Variants in SAMD12 observed in about 807,000 individuals in gnomAD.
The protein encoded by SAMD12 is sterile alpha motif domain containing 12, also known as sterile alpha motif domain-containing protein 12.
In SAMD12, 9 loss-of-function variants were observed where a neutral mutation model predicts 15.0. That is an observed-to-expected ratio of 0.60 (90% CI 0.36 to 1.05). SAMD12 has a LOEUF of 1.05. Among genes scored for constraint, SAMD12 ranks in the 50% least tolerant of loss-of-function variants. SAMD12 has a pLI of 0.01. For synonymous variants in SAMD12, 86 were observed against 90.1 expected, an observed-to-expected ratio of 0.96 and a Z score of 0.25; for missense variants, 230 against 234.2, an observed-to-expected ratio of 0.98 and a Z score of 0.12.
At chr8:118,524,737 T>C (rs1425841973) in intron 2 of SAMD12, among the ~76,000 whole-genome samples, 2 of 152,172 alleles carry the variant, frequency 1.3e-5, no homozygotes, top group Admixed American at 6.6e-5. Flanking sequence ...GACCTTCCAA[T>C]TGCTCAGGCC....
the SAMD12 span, among the ~76,000 whole-genome samples, chr8:118,174,921 T>C: frequency 6.6e-6 from 1 of 151,698 alleles, no homozygotes; most frequent in African/African-American, 2.4e-5. Context: ...ATAAATATCA[T>C]GGAATTTTAT....
At chr8:118,213,010 A>G (rs1056190765) in intron 4 of SAMD12, among the ~76,000 whole-genome samples, 1 of 152,220 alleles carries the variant, frequency 6.6e-6, no homozygotes, top group Admixed American at 6.5e-5. Flanking sequence ...GAATGAGAAT[A>G]CGATGAAGCA....
At chr8:118,502,672 G>A (rs754029054) in intron 2 of SAMD12, among the ~76,000 whole-genome samples, 1 of 152,160 alleles carries the variant, frequency 6.6e-6, no homozygotes, top group Non-Finnish European at 1.5e-5. Context: ...AACATCTGTT[G>A]AACTCCTCAG....
At chr8:118,532,251 G>A (rs1190449854) in intron 2 of SAMD12, among the ~76,000 whole-genome samples, 1 of 152,154 alleles carries the variant, frequency 6.6e-6, no homozygotes, top group East Asian at 1.9e-4. Context: ...ATTGATTTGT[G>A]TATGTTGAAT....
intron 4 of SAMD12, among the ~76,000 whole-genome samples, chr8:118,296,497 T>C (rs1814721557): frequency 6.6e-6 from 1 of 152,242 alleles, no homozygotes; most frequent in Non-Finnish European, 1.5e-5. Flanking sequence ...ATTTGATTAA[T>C]ATCTTTTTCT....
intron 2 of SAMD12, among the ~76,000 whole-genome samples, chr8:118,442,807 C>A (rs1350682343): frequency 6.6e-6 from 1 of 152,162 alleles, no homozygotes; most frequent in South Asian, 2.1e-4. Context: ...CTCCTGTAAA[C>A]CAGTCACAGA....
chr8:118,338,761 C>T (rs550986710), intron 4 of SAMD12, among the ~76,000 whole-genome samples: 35 of 152,282 alleles, frequency 2.3e-4, no homozygotes, highest in Middle Eastern at 3.4e-3. Flanking sequence ...GAACACAGCC[C>T]TGTTGCTTGG....
At chr8:118,506,524 C>T (rs1443416516) in intron 2 of SAMD12, among the ~76,000 whole-genome samples, 1 of 151,956 alleles carries the variant, frequency 6.6e-6, no homozygotes, top group Non-Finnish European at 1.5e-5. Context: ...CCTACTATGT[C>T]AACAGTGTTT....
At chr8:118,260,710 T>TAAA (rs1563719900) in intron 4 of SAMD12, among the ~76,000 whole-genome samples, 1 of 152,112 alleles carries the variant, frequency 6.6e-6, no homozygotes, top group Non-Finnish European at 1.5e-5. Context: ...CTATCCTCTT[T>TAAA]AGCCACCTCC....
chr8:118,593,996 G>C (rs1236178665), intron 1 of SAMD12, among the ~76,000 whole-genome samples: 2 of 152,140 alleles, frequency 1.3e-5, no homozygotes, highest in Non-Finnish European at 2.9e-5. Context: ...ACAACTGTCA[G>C]ATCTTTGAAT....
intron 4 of SAMD12, among the ~76,000 whole-genome samples, chr8:118,216,251 T>C (rs1283229077): frequency 7.2e-5 from 11 of 151,948 alleles, no homozygotes; most frequent in South Asian, 2.1e-4. Context: ...TTTTTGGCTG[T>C]ATAAATGTCT....
chr8:118,431,088 C>A (rs138411504), intron 3 of SAMD12, among the ~76,000 whole-genome samples: 2 of 152,066 alleles, frequency 1.3e-5, no homozygotes, highest in Admixed American at 6.5e-5. Flanking sequence ...TAACAATATA[C>A]GTTTTTAAGT....
At chr8:118,180,463 T>C in the SAMD12 span, among the ~76,000 whole-genome samples, 1 of 152,214 alleles carries the variant, frequency 6.6e-6, no homozygotes, top group Non-Finnish European at 1.5e-5. Flanking sequence ...ATTTCCTAAC[T>C]ATCTTGCAGT....
chr8:118,525,152 C>A (rs1367002404), intron 2 of SAMD12, among the ~76,000 whole-genome samples: 1 of 152,182 alleles, frequency 6.6e-6, no homozygotes, highest in African/African-American at 2.4e-5. Flanking sequence ...CTCGCTGTTT[C>A]TACAGCACAT....
chr8:118,461,879 T>G (rs1372063368), intron 2 of SAMD12, among the ~76,000 whole-genome samples: 1 of 152,228 alleles, frequency 6.6e-6, no homozygotes, highest in East Asian at 1.9e-4. Context: ...AGTGTTTTTC[T>G]AAAAGTTTAT....
chr8:118,224,617 A>T (rs945281770), intron 4 of SAMD12, among the ~76,000 whole-genome samples: 2 of 152,206 alleles, frequency 1.3e-5, no homozygotes, highest in Non-Finnish European at 2.9e-5. Flanking sequence ...ACAAAAATGA[A>T]AAAAAGAAAA....
intron 4 of SAMD12, among the ~76,000 whole-genome samples, chr8:118,360,790 C>A (rs561417961): frequency 2.6e-5 from 4 of 152,296 alleles, no homozygotes; most frequent in African/African-American, 9.6e-5. Flanking sequence ...GTAAGAATTT[C>A]TTTAATTGCA....
At chr8:118,252,082 A>G (rs560835081) in intron 4 of SAMD12, among the ~76,000 whole-genome samples, 2 of 152,336 alleles carry the variant, frequency 1.3e-5, no homozygotes, top group East Asian at 3.9e-4. Context: ...ATTTGCAGGT[A>G]TCTTGGCTTT....
chr8:118,390,155 C>T (rs1018485586), intron 3 of SAMD12, among the ~76,000 whole-genome samples: 2 of 151,142 alleles, frequency 1.3e-5, no homozygotes, highest in African/African-American at 2.4e-5. Flanking sequence ...AATAGGTGCC[C>T]GCCACCATGC....
Sources: gnomAD v4.1 joint callset for allele counts (sites outside exome capture counted in the v4.1 genomes callset) on GRCh38, gnomAD v4.1.1 for gene constraint, MANE v1.5 for transcripts, NCBI Gene and HGNC (gene_info 2026-07-23, HGNC 2026-07-21) for gene names.